GALNT2: variants seen among roughly 807,000 people sequenced by gnomAD.
GALNT2 encodes the protein polypeptide N-acetylgalactosaminyltransferase 2.
A neutral mutation model predicts 81.4 loss-of-function variants in GALNT2; 31 were observed. The observed-to-expected ratio is 0.38, with a 90% CI of 0.29 to 0.51. The LOEUF (loss-of-function observed/expected upper bound fraction) is 0.51, where lower values mean the gene tolerates loss of function less well. Among genes scored for constraint, GALNT2 ranks in the 20% least tolerant of loss-of-function variants. GALNT2 has a pLI of 0.87. For missense variants in GALNT2, 629 were observed against 765.7 expected (o/e 0.82, Z 2.11); for synonymous variants, 303 against 287.4 (o/e 1.05, Z -0.55).
intron 13 of GALNT2, 59 bp from the exon 14 acceptor site, chr1:230,265,182 G>T: frequency 6.2e-7 from 1 of 1,611,028 alleles, no homozygotes; most frequent in African/African-American, 1.3e-5. Context: ...AAAGGGGCTG[G>T]TGGACGGGAG....
chr1:230,073,333 G>A (rs1659432508), intron 1 of GALNT2, among the ~76,000 whole-genome samples: 1 of 152,182 alleles, frequency 6.6e-6, no homozygotes, highest in Admixed American at 6.5e-5. Flanking sequence ...AGTCCAGAAA[G>A]CCTCTCCCAC....
At chr1:230,221,430 A>T (rs899523269) in intron 3 of GALNT2, among the ~76,000 whole-genome samples, 2 of 152,192 alleles carry the variant, frequency 1.3e-5, no homozygotes, top group Non-Finnish European at 2.9e-5. Flanking sequence ...ACCAGAATTT[A>T]CTCAATATAT....
At chr1:230,181,088 C>CT (rs57045807) in intron 2 of GALNT2, among the ~76,000 whole-genome samples, 36,209 of 149,900 alleles carry the variant, frequency 0.24, 5,344 homozygotes, top group African/African-American at 0.42. Context: ...AATCTTTATA[C>CT]TTTTTTTTTT....
chr1:230,141,354 C>T (rs779547922), intron 1 of GALNT2, among the ~76,000 whole-genome samples: 1 of 152,128 alleles, frequency 6.6e-6, no homozygotes, highest in Admixed American at 6.5e-5. Flanking sequence ...GCTGTCTTAA[C>T]CATCCTTAAA....
chr1:230,144,327 G>T (rs1051087957), intron 1 of GALNT2, among the ~76,000 whole-genome samples: 1 of 152,152 alleles, frequency 6.6e-6, no homozygotes, highest in African/African-American at 2.4e-5. Context: ...CAGAACATTT[G>T]TCCTGTTTTG....
At chr1:230,075,140 T>TTTTTTTG (rs1399602658) in intron 1 of GALNT2, among the ~76,000 whole-genome samples, 6 of 145,422 alleles carry the variant, frequency 4.1e-5, no homozygotes, top group African/African-American at 1.0e-4. Context: ...TTTTTTTTTT[T>TTTTTTTG]TTTGAGACAA....
chr1:230,139,170 G>A (rs913421375), intron 1 of GALNT2, among the ~76,000 whole-genome samples: 12 of 152,098 alleles, frequency 7.9e-5, no homozygotes, highest in Admixed American at 6.5e-4. Flanking sequence ...CACTTTACCC[G>A]GCTTTGGTCC....
intron 1 of GALNT2, among the ~76,000 whole-genome samples, chr1:230,175,151 G>C (rs1391307534): frequency 6.6e-6 from 1 of 152,256 alleles, no homozygotes; most frequent in African/African-American, 2.4e-5. Flanking sequence ...GTGGTGGGTT[G>C]AGTGTGGGTG....
At chr1:230,061,654 T>TAA (rs1285415985) in intron 1 of GALNT2, among the ~76,000 whole-genome samples, 3 of 152,214 alleles carry the variant, frequency 2.0e-5, no homozygotes, top group Non-Finnish European at 4.4e-5. Flanking sequence ...TTCCAAAATT[T>TAA]AAGCCTGGAA....
In GALNT2 at chr1:230,279,550, G is replaced by C; in HGVS notation, c.*92G>C. ...TGATTATGTTTCTTAAACTTTCCGC[G>C]AAACTAATATACCTCAGTATTCCAT... is the stretch of plus-strand genomic sequence containing the variant. On this transcript the variant is annotated 3_prime_UTR_variant, in exon 16 of 16. Transcript: ENST00000366672. The surrounding 1 kb of genome is among the most constrained non-coding windows in gnomAD (Gnocchi z 4.6). 7.0e-7 allele frequency: 1 copy of C among 1,431,190 alleles called. No individual in the cohort carries two copies. Among genetic ancestry groups the C allele is most frequent in the South Asian group, 1.3e-5 (1 of 74,556 alleles). The allele number at this position is 1,431,190 out of a possible 1,614,324, so 88.7% of individuals were successfully genotyped here.
At chr1:230,122,598 A>G (rs1661051609) in intron 1 of GALNT2, among the ~76,000 whole-genome samples, 1 of 149,172 alleles carries the variant, frequency 6.7e-6, no homozygotes, top group Non-Finnish European at 1.5e-5. Context: ...GCGTGCAGGA[A>G]TGCATAAGGG....
At position 230,279,518 on chromosome 1, in the gene GALNT2, A is replaced by C; in HGVS notation, c.*60A>C. On this transcript the variant is annotated 3_prime_UTR_variant, in exon 16 of 16. Coordinates refer to ENST00000366672, the MANE Select transcript of GALNT2 (RefSeq NM_004481.5). This position sits in a 1 kb window ranked among gnomAD's most constrained non-coding sequence, Gnocchi z 4.6. Reference sequence around the variant, plus strand: ...CACCATTGGGTGGAGTCTGGTGATCACATTATTGATTATGTTTCTTAAACT... The same window carrying C: ...CACCATTGGGTGGAGTCTGGTGATCCCATTATTGATTATGTTTCTTAAACT... The C allele has an allele frequency of 6.4e-7, 1 of 1,557,364 alleles. No homozygotes were observed. The highest frequency in any genetic ancestry group is 8.7e-7 in the Non-Finnish European group (1 of 1,145,550).
chr1:230,157,576 C>T (rs147911877), intron 1 of GALNT2, among the ~76,000 whole-genome samples: 2 of 152,270 alleles, frequency 1.3e-5, no homozygotes, highest in East Asian at 3.9e-4. Flanking sequence ...ACGTAACTGT[C>T]CCACGACTGG....
intron 7 of GALNT2, among the ~76,000 whole-genome samples, chr1:230,245,152 G>A (rs76696380): frequency 0.011 from 1,656 of 148,800 alleles, 20 homozygotes; most frequent in Middle Eastern, 0.017. Flanking sequence ...TCAATCTAGG[G>A]GGATTTTTTT....
chr1:230,160,571 G>C (rs184806753), intron 1 of GALNT2, among the ~76,000 whole-genome samples: 3 of 152,062 alleles, frequency 2.0e-5, no homozygotes, highest in Non-Finnish European at 2.9e-5. Context: ...AAAATTAGCC[G>C]GTCGTGGTAG....
At chr1:230,117,579 G>T (rs1660884370) in intron 1 of GALNT2, among the ~76,000 whole-genome samples, 1 of 152,228 alleles carries the variant, frequency 6.6e-6, no homozygotes, top group African/African-American at 2.4e-5. Flanking sequence ...GGCTTGAGGA[G>T]AGGGAGGGAG....
rs188585340 is a variant in GALNT2 at position 230,136,872 on chromosome 1, C to G, written c.127-41346C>G. On this transcript the variant is annotated intron_variant, in intron 1 of 15. Transcript: ENST00000366672. The stretch of plus-strand genomic sequence containing the variant: ...TGAAATCACCCTCAGACCGAAGAGC[C>G]GGCCGTCTGTGCATTTTGCTTTTCC... 6.5e-3 allele frequency among the ~76,000 whole-genome samples: 996 copies of G among 152,276 alleles called. 7 individuals are homozygous for G. Among genetic ancestry groups the G allele is most frequent in the Middle Eastern group, 0.01 (3 of 294 alleles).
chr1:230,174,149 C>A (rs1662882982), intron 1 of GALNT2, among the ~76,000 whole-genome samples: 1 of 152,226 alleles, frequency 6.6e-6, no homozygotes, highest in Non-Finnish European at 1.5e-5. Flanking sequence ...AGGCATTGAG[C>A]CCAGCCTCCT....
At chr1:230,273,122 A>G (rs557025587) in intron 14 of GALNT2, among the ~76,000 whole-genome samples, 1 of 152,324 alleles carries the variant, frequency 6.6e-6, no homozygotes, top group South Asian at 2.1e-4. Context: ...ATTTGTTCCA[A>G]CATGATACAG....
Sources: gnomAD v4.1 joint callset for allele counts (sites outside exome capture counted in the v4.1 genomes callset) on GRCh38, gnomAD v4.1.1 for gene constraint, Gnocchi (gnomAD v3.1) non-coding constraint, MANE v1.5 for transcripts, NCBI Gene and HGNC (gene_info 2026-07-23, HGNC 2026-07-21) for gene names.